PHF24: variants seen among roughly 807,000 people sequenced by gnomAD.
PHF24 encodes the protein PHD finger protein 24.
PHF24 carries 25 observed loss-of-function variants against 42.6 expected under a neutral mutation model. The ratio of observed to expected loss-of-function variants is 0.59; its 90% CI spans 0.43 to 0.82. PHF24 has a LOEUF of 0.82. PHF24 is among the 40% of genes least tolerant of loss of function. The pLI, the probability that PHF24 is intolerant of heterozygous loss-of-function variation, is 0.00. For synonymous variants in PHF24, 185 were observed against 204.8 expected (o/e 0.90, Z 0.83); for missense variants, 470 against 538.1 (o/e 0.87, Z 1.25).
the PHF24 span, among the ~76,000 whole-genome samples, chr9:34,916,792 A>G: frequency 6.6e-6 from 1 of 152,202 alleles, no homozygotes; most frequent in Admixed American, 6.5e-5. Flanking sequence ...GTTTTATTAA[A>G]TCTTAGTTCA....
At chr9:34,956,405 G>A (rs531384269), upstream of PHF24, among the ~76,000 whole-genome samples, 4 of 152,248 alleles carry the variant, frequency 2.6e-5, no homozygotes, top group East Asian at 1.9e-4. Context: ...GACCACAGGC[G>A]CGTGCCACTG....
At chr9:34,852,478 T>G in the PHF24 span, among the ~76,000 whole-genome samples, 1 of 152,218 alleles carries the variant, frequency 6.6e-6, no homozygotes, top group Non-Finnish European at 1.5e-5. Context: ...AAAGAACACC[T>G]GAGCTTTTGT....
the PHF24 span, among the ~76,000 whole-genome samples, chr9:34,710,746 C>T: frequency 6.6e-6 from 1 of 152,106 alleles, no homozygotes; most frequent in South Asian, 2.1e-4. Flanking sequence ...GGAGCTGGGA[C>T]CACAGGCACA....
At chr9:34,917,258 C>T in the PHF24 span, 1 of 1,128,672 alleles carries the variant, frequency 8.9e-7, no homozygotes, top group Non-Finnish European at 1.4e-6. Flanking sequence ...AAGTCCGGGT[C>T]ATGTATATCT....
At chr9:34,835,567 G>T in the PHF24 span, 1 of 1,551,764 alleles carries the variant, frequency 6.4e-7, no homozygotes, top group South Asian at 1.2e-5. Flanking sequence ...GGTTTCCCTG[G>T]ACAAGGCTGG....
At chr9:34,892,395 T>C in the PHF24 span, among the ~76,000 whole-genome samples, 1 of 152,262 alleles carries the variant, frequency 6.6e-6, no homozygotes, top group South Asian at 2.1e-4. Context: ...AAATGGCTGT[T>C]TGTCTGTCTG....
the PHF24 span, chr9:34,725,068 C>T: frequency 1.3e-6 from 2 of 1,551,870 alleles, no homozygotes; most frequent in Non-Finnish European, 1.7e-6. Flanking sequence ...TTGCTGTCTG[C>T]AGTTCCAGGA....
chr9:34,896,710 G>A, the PHF24 span, among the ~76,000 whole-genome samples: 8 of 152,078 alleles, frequency 5.3e-5, no homozygotes, highest in South Asian at 1.0e-3. Context: ...ATTTAACCCC[G>A]GGATCTACCA....
At chr9:34,799,390 G>A in the PHF24 span, among the ~76,000 whole-genome samples, 3 of 152,140 alleles carry the variant, frequency 2.0e-5, no homozygotes, top group Non-Finnish European at 2.9e-5. Flanking sequence ...TTATTTTGAG[G>A]ATGAAATGAA....
At chr9:34,853,364 C>T in the PHF24 span, among the ~76,000 whole-genome samples, 1 of 152,156 alleles carries the variant, frequency 6.6e-6, no homozygotes, top group African/African-American at 2.4e-5. Context: ...TTTGGCTTGC[C>T]AGTATCTTAT....
the PHF24 span, among the ~76,000 whole-genome samples, chr9:34,712,320 G>T: frequency 6.6e-6 from 1 of 151,812 alleles, no homozygotes; most frequent in Non-Finnish European, 1.5e-5. Flanking sequence ...AACTTCTTGG[G>T]TATGTATATT....
chr9:34,888,751 T>G, the PHF24 span, among the ~76,000 whole-genome samples: 1 of 152,206 alleles, frequency 6.6e-6, no homozygotes, highest in Admixed American at 6.6e-5. Context: ...CAAAAATGCA[T>G]TAGATTCCTG....
chr9:34,928,446 C>A, the PHF24 span, among the ~76,000 whole-genome samples: 1 of 152,050 alleles, frequency 6.6e-6, no homozygotes, highest in Non-Finnish European at 1.5e-5. Flanking sequence ...TATATACCCA[C>A]AAAAATTAAA....
chr9:34,956,884 A>G (rs941713416), upstream of PHF24, among the ~76,000 whole-genome samples: 1 of 152,234 alleles, frequency 6.6e-6, no homozygotes, highest in African/African-American at 2.4e-5. Context: ...AATGGTTTAT[A>G]GCCTCTCCTT....
chr9:34,861,648 A>C, the PHF24 span, among the ~76,000 whole-genome samples: 1 of 152,244 alleles, frequency 6.6e-6, no homozygotes, highest in African/African-American at 2.4e-5. Context: ...CCATTAAATA[A>C]AATAAGAATT....
the PHF24 span, among the ~76,000 whole-genome samples, chr9:34,688,182 C>A: frequency 6.6e-6 from 1 of 152,130 alleles, no homozygotes; most frequent in Non-Finnish European, 1.5e-5. Context: ...CTGCCCAGGC[C>A]TGGTTTTGTT....
chr9:34,857,253 G>A, the PHF24 span, among the ~76,000 whole-genome samples: 16 of 152,310 alleles, frequency 1.1e-4, no homozygotes, highest in Admixed American at 2.6e-4. Context: ...AGTGGGGCCC[G>A]TGGGATAACG....
At chr9:34,910,475 A>G in the PHF24 span, among the ~76,000 whole-genome samples, 4 of 152,238 alleles carry the variant, frequency 2.6e-5, no homozygotes, top group African/African-American at 9.6e-5. Context: ...TACATACAAA[A>G]TAAGTATGTG....
At chr9:34,900,094 C>T in the PHF24 span, among the ~76,000 whole-genome samples, 12 of 152,224 alleles carry the variant, frequency 7.9e-5, no homozygotes, top group African/African-American at 2.4e-4. Flanking sequence ...TTATGGACAC[C>T]GTGGGGAACT....
Sources: allele counts gnomAD v4.1 joint callset (sites outside exome capture counted in the v4.1 genomes callset), GRCh38; gene constraint gnomAD v4.1.1; transcripts MANE v1.5; gene names NCBI Gene and HGNC (gene_info 2026-07-23, HGNC 2026-07-21).